The following ZYG11B variants were observed in gnomAD, a reference collection of about 807,000 sequenced individuals.
The protein encoded by ZYG11B is zyg-11 family member B, cell cycle regulator, also known as protein zyg-11 homolog B.
ZYG11B carries 36 observed loss-of-function variants against 82.4 expected under a neutral mutation model. The observed-to-expected ratio is 0.44, with a 90% CI of 0.33 to 0.58. The LOEUF (loss-of-function observed/expected upper bound fraction) is 0.58, where lower values mean the gene tolerates loss of function less well. Among genes scored for constraint, ZYG11B ranks in the 20% least tolerant of loss-of-function variants. ZYG11B has a pLI of 0.02. For synonymous variants in ZYG11B, 303 were observed against 312.8 expected, an observed-to-expected ratio of 0.97 and a Z score of 0.33; for missense variants, 552 against 895.6, an observed-to-expected ratio of 0.62 and a Z score of 4.90.
intron 4 of ZYG11B, among the ~76,000 whole-genome samples, chr1:52,783,815 CGTATATGTAT>C (rs1644879105): frequency 1.9e-5 from 2 of 105,594 alleles, no homozygotes; most frequent in African/African-American, 1.2e-4. Flanking sequence ...TACACACACA[CGTATATGTAT>C]ACATACGTGT....
chr1:52,805,122 CTT>C (rs1441629066), intron 10 of ZYG11B: 1 of 153,152 alleles, frequency 6.5e-6, no homozygotes, highest in African/African-American at 2.5e-5. Context: ...AAATGGAACA[CTT>C]TGCAAATTTA....
intron 2 of ZYG11B, among the ~76,000 whole-genome samples, chr1:52,759,177 C>T (rs1479322598): frequency 6.6e-6 from 1 of 152,156 alleles, no homozygotes; most frequent in East Asian, 1.9e-4. Context: ...AGTGATCCAC[C>T]TGCCTCGGCC....
intron 2 of ZYG11B, among the ~76,000 whole-genome samples, chr1:52,760,435 A>T (rs1644619194): frequency 6.7e-6 from 1 of 149,494 alleles, no homozygotes; most frequent in South Asian, 2.1e-4. Context: ...CAAGAATGAG[A>T]CTCTTAACGA....
intron 2 of ZYG11B, among the ~76,000 whole-genome samples, chr1:52,762,590 G>T (rs2149933309): frequency 6.6e-6 from 1 of 151,552 alleles, no homozygotes; most frequent in Non-Finnish European, 1.5e-5. Flanking sequence ...TTTTTCATTT[G>T]TTTTTTTGAG....
chr1:52,751,686 C>A (rs1433014636), intron 1 of ZYG11B, among the ~76,000 whole-genome samples: 1 of 152,018 alleles, frequency 6.6e-6, no homozygotes, highest in African/African-American at 2.4e-5. Context: ...GTTTCTTGCA[C>A]GTTAGCTCCC....
intron 1 of ZYG11B, 23 bp from the exon 2 acceptor site, chr1:52,756,435 T>G (rs770775639): frequency 6.3e-7 from 1 of 1,592,770 alleles, no homozygotes; most frequent in Non-Finnish European, 8.6e-7. Flanking sequence ...GTGTTTCTTT[T>G]ATATTTTTCC....
intron 1 of ZYG11B, among the ~76,000 whole-genome samples, chr1:52,751,264 C>A (rs954379586): frequency 6.6e-6 from 1 of 150,894 alleles, no homozygotes; most frequent in South Asian, 2.1e-4. Flanking sequence ...ATCACGCCCA[C>A]CCCATCCCAC....
chr1:52,801,069 A>G (rs1645072264), intron 8 of ZYG11B, among the ~76,000 whole-genome samples: 1 of 152,158 alleles, frequency 6.6e-6, no homozygotes, highest in African/African-American at 2.4e-5. Context: ...CTATGATAGA[A>G]CTAATTTGCA....
At chr1:52,789,918 T>C (rs546920921) in intron 5 of ZYG11B, 85 bp from the exon 6 acceptor site, 10 of 957,180 alleles carry the variant, frequency 1.0e-5, no homozygotes, top group East Asian at 5.4e-5. Flanking sequence ...TCTTCTTCTT[T>C]TTTTTTTTTT....
At chr1:52,739,236 C>G (rs1644404150) in intron 1 of ZYG11B, among the ~76,000 whole-genome samples, 1 of 152,092 alleles carries the variant, frequency 6.6e-6, no homozygotes, top group Non-Finnish European at 1.5e-5. Context: ...ATCTGCCCAC[C>G]TCGGCCTCCC....
intron 1 of ZYG11B, among the ~76,000 whole-genome samples, chr1:52,733,604 TGA>T (rs1019588132): frequency 6.6e-6 from 1 of 152,134 alleles, no homozygotes; most frequent in African/African-American, 2.4e-5. Flanking sequence ...GAAGCTGCAG[TGA>T]GCAGGGTTCA....
chr1:52,746,835 T>C (rs1435254832), intron 1 of ZYG11B, among the ~76,000 whole-genome samples: 1 of 150,654 alleles, frequency 6.6e-6, no homozygotes, highest in African/African-American at 2.4e-5. Context: ...CTTCTGACCA[T>C]AATTAACAGA....
intron 10 of ZYG11B, 29 bp downstream of exon 10, chr1:52,802,168 CCA>C: frequency 6.3e-7 from 1 of 1,592,566 alleles, no homozygotes; most frequent in South Asian, 1.2e-5. Flanking sequence ...CTGCTAAGTT[CCA>C]AGCTATATTT....
At chr1:52,815,230 G>C (rs1337072901) in intron 12 of ZYG11B, among the ~76,000 whole-genome samples, 1 of 151,972 alleles carries the variant, frequency 6.6e-6, no homozygotes, top group East Asian at 1.9e-4. Context: ...GGCCTGGCAT[G>C]GTGGCTCACA....
chr1:52,785,668 G>A (rs536744737), intron 5 of ZYG11B, among the ~76,000 whole-genome samples: 4 of 152,180 alleles, frequency 2.6e-5, no homozygotes, highest in South Asian at 2.1e-4. Context: ...TGTTGGTGAG[G>A]ATAGTCTCCA....
chr1:52,785,096 C>A, intron 5 of ZYG11B, 43 bp downstream of exon 5: 1 of 1,580,158 alleles, frequency 6.3e-7, no homozygotes, highest in Non-Finnish European at 8.6e-7. Flanking sequence ...CTTGTAGTGT[C>A]TTCTACTCAT....
rs1167837772 is a variant in ZYG11B, at chr1:52,752,645, A to G, written c.31-3813A>G. On this transcript the variant is annotated intron_variant, in intron 1 of 13. Transcript: ENST00000294353. ...TTATAGTTCATTGGTCAGAAGTACA[A>G]GTGGAAATCTGGGACTTGTGACTGG... Among the ~76,000 whole-genome samples, 9 of 152,282 alleles carry G rather than the reference A, an allele frequency of 5.9e-5. No homozygotes were observed. In the East Asian group the frequency reaches 1.5e-3, roughly 26 times the overall value.
At chr1:52,765,051 TC>T (rs1340826287) in intron 2 of ZYG11B, among the ~76,000 whole-genome samples, 2 of 151,750 alleles carry the variant, frequency 1.3e-5, no homozygotes, top group Non-Finnish European at 2.9e-5. Context: ...TTCTGAGTGA[TC>T]TTTTTTTTTT....
intron 3 of ZYG11B, among the ~76,000 whole-genome samples, chr1:52,775,212 C>T (rs1283670516): frequency 6.6e-6 from 1 of 152,052 alleles, no homozygotes; most frequent in Non-Finnish European, 1.5e-5. Context: ...GCTGATGACT[C>T]CTAAATTTGT....
Sources: allele counts gnomAD v4.1 joint callset (sites outside exome capture counted in the v4.1 genomes callset), GRCh38; gene constraint gnomAD v4.1.1; transcripts MANE v1.5; gene names NCBI Gene and HGNC (gene_info 2026-07-23, HGNC 2026-07-21).